Variants in KIF2A observed in about 807,000 individuals in gnomAD.
The protein encoded by KIF2A is kinesin-like protein KIF2A.
In KIF2A, 22 loss-of-function variants were observed where a neutral mutation model predicts 100.2. The observed-to-expected ratio is 0.22, with a 90% CI of 0.16 to 0.31. The LOEUF (loss-of-function observed/expected upper bound fraction) is 0.31, where lower values mean the gene tolerates loss of function less well. Among genes scored for constraint, KIF2A ranks in the 10% least tolerant of loss-of-function variants. KIF2A has a pLI of 1.00. For synonymous variants in KIF2A, 268 were observed against 285.9 expected (o/e 0.94, Z 0.63); for missense variants, 495 against 898.7 (o/e 0.55, Z 5.74).
At position 62,387,495 on chromosome 5, in the gene KIF2A, A is replaced by G. The variant is rs1742089529; in HGVS notation, c.*1926A>G. 6.6e-6 allele frequency: 1 copy of G among 152,202 alleles called. No individual in the cohort carries two copies. The highest frequency in any genetic ancestry group is 2.1e-4 in the South Asian group (1 of 4,836). The allele number at this position is 152,202 out of a possible 1,614,324, so 9.4% of individuals were successfully genotyped here. A position where few individuals can be genotyped will look rare whatever the true frequency, so the allele number is the denominator to read the frequency against. On this transcript the variant is annotated 3_prime_UTR_variant, in exon 21 of 21. Coordinates refer to ENST00000407818, the MANE Select transcript of KIF2A (RefSeq NM_001098511.3). The stretch of plus-strand genomic sequence containing the variant: ...CTTATAGACAAATATGCTGCCTTAC[A>G]CTATGATGGCTTCATTCTGATCAGG...
intron 1 of KIF2A, among the ~76,000 whole-genome samples, chr5:62,332,187 C>T (rs1746689079): frequency 6.6e-6 from 1 of 152,174 alleles, no homozygotes; most frequent in Non-Finnish European, 1.5e-5. Flanking sequence ...TTGTTTTTGA[C>T]AGCTCAATGA....
intron 15 of KIF2A, among the ~76,000 whole-genome samples, chr5:62,365,851 T>C (rs1034860420): frequency 1.3e-5 from 2 of 152,152 alleles, no homozygotes; most frequent in African/African-American, 4.8e-5. Context: ...TTGCTTATAG[T>C]TTGCCTTGTA....
Position 62,344,116 on chromosome 5 carries a change from C to T in KIF2A, c.65-3014C>T, listed in dbSNP as rs530903898. On this transcript the variant is annotated intron_variant, in intron 1 of 20. Coordinates refer to ENST00000407818, the MANE Select transcript of KIF2A (RefSeq NM_001098511.3). ...ATCCCAGCACTTTGGGAGGCTGAGG[C>T]GGGCAGATCATGAAGTCAAGAGATG... Among the ~76,000 whole-genome samples, 13 of 152,132 alleles carry T rather than the reference C, an allele frequency of 8.5e-5. No homozygotes were observed. In the East Asian group the frequency reaches 1.2e-3, roughly 14 times the overall value.
rs1442582685 is a variant in KIF2A, at chr5:62,385,927, A to G, written c.*358A>G. 1 of 243,220 alleles carries G rather than the reference A, an allele frequency of 4.1e-6. No individual in the cohort carries two copies. Among genetic ancestry groups the G allele is most frequent in the African/African-American group, 2.2e-5 (1 of 44,660 alleles). The allele number at this position is 243,220 out of a possible 1,614,324, so 15.1% of individuals were successfully genotyped here. On this transcript the variant is annotated 3_prime_UTR_variant, in exon 21 of 21. Transcript: ENST00000407818. ...CAGCATTTCCTTTTAACTCAGTTCA[A>G]TTTTTGTAGTGAGACTGAGCAGTTT... is the stretch of plus-strand genomic sequence containing the variant.
intron 1 of KIF2A, among the ~76,000 whole-genome samples, chr5:62,309,842 C>G (rs962442800): frequency 7.9e-5 from 12 of 152,152 alleles, no homozygotes; most frequent in Non-Finnish European, 1.6e-4. Flanking sequence ...ATGATGAAAA[C>G]TATCCTAATG....
intron 16 of KIF2A, among the ~76,000 whole-genome samples, chr5:62,371,624 T>C (rs905863863): frequency 6.6e-6 from 1 of 152,226 alleles, no homozygotes; most frequent in Non-Finnish European, 1.5e-5. Context: ...TGAGTCATTT[T>C]TCTCATCTAT....
chr5:62,320,365 A>T (rs1314786966), intron 1 of KIF2A, among the ~76,000 whole-genome samples: 1 of 152,166 alleles, frequency 6.6e-6, no homozygotes, highest in Non-Finnish European at 1.5e-5. Flanking sequence ...TAGGGGAAAA[A>T]ATCCTAGAAG....
intron 17 of KIF2A, among the ~76,000 whole-genome samples, chr5:62,373,377 T>A (rs1467536971): frequency 1.3e-5 from 2 of 151,810 alleles, no homozygotes; most frequent in African/African-American, 2.4e-5. Context: ...ATGGAAAATT[T>A]AAAAAATTTT....
At chr5:62,324,588 C>T (rs972318605) in intron 1 of KIF2A, among the ~76,000 whole-genome samples, 1 of 152,024 alleles carries the variant, frequency 6.6e-6, no homozygotes, top group Admixed American at 6.6e-5. Context: ...TCAGCAAAGT[C>T]GATAATAGCA....
chr5:62,337,497 AAAAT>A (rs1319093357), intron 1 of KIF2A, among the ~76,000 whole-genome samples: 3 of 151,990 alleles, frequency 2.0e-5, no homozygotes. Context: ...CTCAAAAAAA[AAAAT>A]AAAGATTAGT....
chr5:62,346,071 AT>A (rs1747550508), intron 1 of KIF2A, among the ~76,000 whole-genome samples: 1 of 152,150 alleles, frequency 6.6e-6, no homozygotes, highest in Non-Finnish European at 1.5e-5. Context: ...TAAATGGCAC[AT>A]AACCTAAGTG....
At chr5:62,346,361 A>G (rs1747567697) in intron 1 of KIF2A, among the ~76,000 whole-genome samples, 1 of 152,186 alleles carries the variant, frequency 6.6e-6, no homozygotes, top group Non-Finnish European at 1.5e-5. Flanking sequence ...CACATTTCTT[A>G]ATTTTAAAAT....
chr5:62,337,783 C>A (rs1374252800), intron 1 of KIF2A, among the ~76,000 whole-genome samples: 1 of 151,166 alleles, frequency 6.6e-6, no homozygotes, highest in African/African-American at 2.4e-5. Context: ...CGTACTTCAG[C>A]CTGGGCACAG....
At chr5:62,314,500 G>A (rs1364280519) in intron 1 of KIF2A, among the ~76,000 whole-genome samples, 1 of 151,994 alleles carries the variant, frequency 6.6e-6, no homozygotes, top group Non-Finnish European at 1.5e-5. Flanking sequence ...GCAGAGCATG[G>A]GAAACAGCAG....
chr5:62,366,278 G>C, intron 15 of KIF2A, 136 bp from the exon 16 acceptor site: 1 of 642,510 alleles, frequency 1.6e-6, no homozygotes, highest in Non-Finnish European at 2.8e-6. Flanking sequence ...AATAATCTTG[G>C]AGTTGAGATA....
At chr5:62,382,148 T>C (rs1434211866) in intron 20 of KIF2A, among the ~76,000 whole-genome samples, 1 of 152,222 alleles carries the variant, frequency 6.6e-6, no homozygotes, top group African/African-American at 2.4e-5. Flanking sequence ...AGCTGCTTAA[T>C]TTTTTTAAGG....
intron 9 of KIF2A, among the ~76,000 whole-genome samples, chr5:62,360,615 G>T (rs1748356668): frequency 6.6e-6 from 1 of 152,120 alleles, no homozygotes; most frequent in Non-Finnish European, 1.5e-5. Context: ...AACCCGGGAG[G>T]CGGAGGTTGC....
intron 1 of KIF2A, among the ~76,000 whole-genome samples, chr5:62,343,804 A>G (rs1747416993): frequency 6.6e-6 from 1 of 152,190 alleles, no homozygotes; most frequent in South Asian, 2.1e-4. Flanking sequence ...AGACTCAAGC[A>G]ATGTCATTTT....
rs1371925121 is a variant in KIF2A at position 62,306,220 on chromosome 5, C to T, written c.-253C>T. ...CGGGCCCTCCCACTCTACCCCGCGC[C>T]GTCTCACGGCCCCGGCCCTAGCTTC... is the stretch of plus-strand genomic sequence containing the variant. On this transcript the variant is annotated 5_prime_UTR_variant, in exon 1 of 21. Transcript: ENST00000407818. The T allele has an allele frequency of 1.1e-5, 5 of 457,348 alleles. No individual in the cohort carries two copies. The highest frequency in any genetic ancestry group is 3.9e-6 in the Non-Finnish European group (1 of 259,092). The allele number at this position is 457,348 out of a possible 1,614,324, so 28.3% of individuals were successfully genotyped here. A position where few individuals can be genotyped will look rare whatever the true frequency, so the allele number is the denominator to read the frequency against.
Sources: gnomAD v4.1 joint callset for allele counts (sites outside exome capture counted in the v4.1 genomes callset) on GRCh38, gnomAD v4.1.1 for gene constraint, MANE v1.5 for transcripts, NCBI Gene and HGNC (gene_info 2026-07-23, HGNC 2026-07-21) for gene names.